SLC4A10: variants seen among roughly 807,000 people sequenced by gnomAD.
SLC4A10 encodes the protein sodium-driven chloride bicarbonate exchanger.
A neutral mutation model predicts 137.7 loss-of-function variants in SLC4A10; 42 were observed. The observed-to-expected ratio is 0.30, with a 90% CI of 0.24 to 0.39. The LOEUF (loss-of-function observed/expected upper bound fraction) is 0.39. Among genes scored for constraint, SLC4A10 ranks in the 10% least tolerant of loss-of-function variants. The pLI is 1.00. For missense variants in SLC4A10, 925 were observed against 1,355.0 expected (o/e 0.68, Z 4.98); for synonymous variants, 474 against 464.1 (o/e 1.02, Z -0.27).
At chr2:161,848,903 T>A (rs572905623) in intron 4 of SLC4A10, among the ~76,000 whole-genome samples, 2 of 152,266 alleles carry the variant, frequency 1.3e-5, no homozygotes, top group South Asian at 2.1e-4. Flanking sequence ...AATTTTTTTC[T>A]AATTTTGAAA....
chr2:161,966,396 A>G (rs2105921994), intron 23 of SLC4A10, among the ~76,000 whole-genome samples: 1 of 152,322 alleles, frequency 6.6e-6, no homozygotes, highest in African/African-American at 2.4e-5. Context: ...ATATTATACA[A>G]TTGTTATTAT....
chr2:161,893,220 T>A (rs1559477329), intron 10 of SLC4A10, among the ~76,000 whole-genome samples: 1 of 152,104 alleles, frequency 6.6e-6, no homozygotes. Context: ...CTGGAATATC[T>A]GTGAACAGCC....
chr2:161,768,112 T>C (rs1000810697), intron 1 of SLC4A10, among the ~76,000 whole-genome samples: 1 of 152,030 alleles, frequency 6.6e-6, no homozygotes, highest in African/African-American at 2.4e-5. Flanking sequence ...CTAACTGACT[T>C]GAAAAGAAAA....
intron 1 of SLC4A10, chr2:161,710,643 A>C (rs1240071174): frequency 4.4e-6 from 2 of 451,804 alleles, no homozygotes; most frequent in Non-Finnish European, 4.5e-6. Flanking sequence ...TGGAATGATA[A>C]AACTGATTGT....
At chr2:161,634,541 A>G (rs2034105919) in intron 1 of SLC4A10, among the ~76,000 whole-genome samples, 1 of 151,906 alleles carries the variant, frequency 6.6e-6, no homozygotes, top group African/African-American at 2.4e-5. Context: ...TGTCTGCCTC[A>G]TGACTTTTTA....
rs567569726 is a variant in SLC4A10 at position 161,836,574 on chromosome 2, A to G, written c.278-3215A>G. On this transcript the variant is annotated intron_variant, in intron 3 of 26. Transcript: ENST00000446997. Reference sequence around the variant, plus strand: ...AAAGAAAGAAAGAAAGAAAGAAAGAAAGAAAGAAAGAAAGAAAGAAAGAAA... The same window carrying G: ...AAAGAAAGAAAGAAAGAAAGAAAGAGAGAAAGAAAGAAAGAAAGAAAGAAA... Among the ~76,000 whole-genome samples, 86 of 137,956 alleles carry G rather than the reference A, an allele frequency of 6.2e-4. 3 individuals carry two copies. The highest frequency in any genetic ancestry group is 2.2e-3 in the African/African-American group (82 of 37,236). The allele number at this position is 137,956 out of a possible 152,430, so 90.5% of individuals were successfully genotyped here. A position where few individuals can be genotyped will look rare whatever the true frequency, so the allele number is the denominator to read the frequency against.
intron 15 of SLC4A10, among the ~76,000 whole-genome samples, chr2:161,936,049 G>A (rs554661312): frequency 1.2e-3 from 180 of 152,140 alleles, no homozygotes; most frequent in African/African-American, 4.3e-3. Context: ...TGATCACATG[G>A]TTTTTGTTCT....
chr2:161,676,083 TCACTTGAAATTGTAGGTAAA>T (rs1350863277), intron 1 of SLC4A10, among the ~76,000 whole-genome samples: 1 of 152,208 alleles, frequency 6.6e-6, no homozygotes, highest in African/African-American at 2.4e-5. Context: ...GTTCCAGGAA[TCACTTGAAATTGTAGGTAAA>T]CACTTTGTGG....
rs150819511 is a variant in SLC4A10, at chr2:161,730,443, A to G, written c.49-40530A>G. On this transcript the variant is annotated intron_variant, in intron 1 of 26. Coordinates refer to ENST00000446997, the MANE Select transcript of SLC4A10 (RefSeq NM_001178015.2). ...TCTATTTATCTATTATCTCTCACTCATAAAACAACCTATTATCTATCTATT... is the reference window on the plus strand; with the variant it reads ...TCTATTTATCTATTATCTCTCACTCGTAAAACAACCTATTATCTATCTATT... 5.2e-3 allele frequency among the ~76,000 whole-genome samples: 786 copies of G among 152,344 alleles called. 21 individuals carry two copies. Among genetic ancestry groups the G allele is most frequent in the East Asian group, 0.035 (180 of 5,184 alleles).
chr2:161,881,378 T>G (rs535521715), intron 9 of SLC4A10, among the ~76,000 whole-genome samples: 1 of 152,104 alleles, frequency 6.6e-6, no homozygotes, highest in East Asian at 1.9e-4. Flanking sequence ...TTCTACATAG[T>G]AGAAATTGGC....
chr2:161,785,233 C>T (rs1159743849), intron 2 of SLC4A10, among the ~76,000 whole-genome samples: 1 of 151,688 alleles, frequency 6.6e-6, no homozygotes, highest in South Asian at 2.1e-4. Context: ...AAAATTAAAT[C>T]AGTAATAAAA....
At chr2:161,824,919 G>A (rs538865967) in intron 3 of SLC4A10, among the ~76,000 whole-genome samples, 13 of 152,244 alleles carry the variant, frequency 8.5e-5, no homozygotes, top group African/African-American at 3.1e-4. Flanking sequence ...TCCTGAGATA[G>A]CAAGACCAAC....
intron 19 of SLC4A10, among the ~76,000 whole-genome samples, chr2:161,955,220 C>T (rs1201173932): frequency 6.6e-6 from 1 of 152,202 alleles, no homozygotes; most frequent in African/African-American, 2.4e-5. Flanking sequence ...CTGCTTAAGA[C>T]ATTGTCCTTT....
At chr2:161,683,612 T>A (rs893226260) in intron 1 of SLC4A10, among the ~76,000 whole-genome samples, 4 of 152,192 alleles carry the variant, frequency 2.6e-5, no homozygotes, top group African/African-American at 9.6e-5. Flanking sequence ...ATTTCTTAGG[T>A]TTTAAAATCT....
At chr2:161,771,458 C>G (rs1483373119) in intron 2 of SLC4A10, among the ~76,000 whole-genome samples, 11 of 151,756 alleles carry the variant, frequency 7.2e-5, no homozygotes, top group Admixed American at 7.2e-4. Flanking sequence ...GTATAGTCAC[C>G]ATTTTTGTGT....
At chr2:161,803,459 C>T (rs1324464990) in intron 2 of SLC4A10, among the ~76,000 whole-genome samples, 1 of 152,096 alleles carries the variant, frequency 6.6e-6, no homozygotes, top group Non-Finnish European at 1.5e-5. Flanking sequence ...CATGTATCTA[C>T]CATTACATTA....
chr2:161,667,065 T>A (rs2039132083), intron 1 of SLC4A10, among the ~76,000 whole-genome samples: 1 of 151,674 alleles, frequency 6.6e-6, no homozygotes, highest in Non-Finnish European at 1.5e-5. Flanking sequence ...TATATTGGGC[T>A]AATAAATGTA....
chr2:161,789,449 A>G (rs2053977197), intron 2 of SLC4A10, among the ~76,000 whole-genome samples: 1 of 151,954 alleles, frequency 6.6e-6, no homozygotes, highest in Non-Finnish European at 1.5e-5. Flanking sequence ...TTCCATTTGG[A>G]TCATGACCAT....
intron 6 of SLC4A10, among the ~76,000 whole-genome samples, chr2:161,867,966 C>T (rs2060864762): frequency 6.6e-6 from 1 of 151,886 alleles, no homozygotes; most frequent in East Asian, 1.9e-4. Context: ...CCAGCTTGGT[C>T]TCTAGGTTAA....
Sources: allele counts gnomAD v4.1 joint callset (sites outside exome capture counted in the v4.1 genomes callset), GRCh38; gene constraint gnomAD v4.1.1; transcripts MANE v1.5; gene names NCBI Gene and HGNC (gene_info 2026-07-23, HGNC 2026-07-21).